The following PTPN4 variants were observed in gnomAD, a reference collection of about 807,000 sequenced individuals.
PTPN4 encodes tyrosine-protein phosphatase non-receptor type 4.
PTPN4 carries 49 observed loss-of-function variants against 135.5 expected under a neutral mutation model. The ratio of observed to expected loss-of-function variants is 0.36; its 90% CI spans 0.29 to 0.46. The LOEUF (loss-of-function observed/expected upper bound fraction) is 0.46. PTPN4 is among the 20% of genes least tolerant of loss of function. PTPN4 has a pLI of 1.00. For missense variants in PTPN4, 860 were observed against 1,101.0 expected (o/e 0.78, Z 3.10); for synonymous variants, 333 against 369.9 (o/e 0.90, Z 1.14).
chr2:119,956,820 T>C (rs1679294451), intron 20 of PTPN4, 24 bp from the exon 21 acceptor site: 1 of 1,580,892 alleles, frequency 6.3e-7, no homozygotes, highest in Non-Finnish European at 8.5e-7. Context: ...TTGTTGGAAT[T>C]GTACCTTTTT....
Position 119,775,688 on chromosome 2 carries a change from G to A in PTPN4, c.-18+15304G>A, listed in dbSNP as rs115036957. 3.2e-3 allele frequency among the ~76,000 whole-genome samples: 493 copies of A among 152,288 alleles called. 2 individuals carry two copies. Among genetic ancestry groups the A allele is most frequent in the African/African-American group, 0.011 (466 of 41,552 alleles). On this transcript the variant is annotated intron_variant, in intron 1 of 26. Transcript: ENST00000263708. ...TGTTGTTATAGAAAAAGCTGTGAAA[G>A]CCATCAGGCCTGAAACTGTAAATAC...
intron 10 of PTPN4, among the ~76,000 whole-genome samples, chr2:119,902,257 A>G (rs1678416520): frequency 6.6e-6 from 1 of 152,258 alleles, no homozygotes; most frequent in Non-Finnish European, 1.5e-5. Context: ...AAGCAAGAAG[A>G]AACTGGAGTG....
chr2:119,888,572 T>C (rs1307388256), intron 9 of PTPN4, among the ~76,000 whole-genome samples: 2 of 152,202 alleles, frequency 1.3e-5, no homozygotes, highest in Non-Finnish European at 2.9e-5. Context: ...TACAATGTCT[T>C]TTGAGATGGT....
chr2:119,966,759 C>T (rs911443106), intron 25 of PTPN4, among the ~76,000 whole-genome samples: 2 of 152,180 alleles, frequency 1.3e-5, no homozygotes, highest in Non-Finnish European at 2.9e-5. Context: ...GGCTTTGCTA[C>T]TTCTAAAAGC....
intron 2 of PTPN4, among the ~76,000 whole-genome samples, chr2:119,816,431 G>A (rs368157297): frequency 6.6e-6 from 1 of 152,076 alleles, no homozygotes; most frequent in Non-Finnish European, 1.5e-5. Context: ...ATAATCTATG[G>A]CAGTGGTCCC....
intron 18 of PTPN4, among the ~76,000 whole-genome samples, chr2:119,949,487 T>C (rs1410279734): frequency 6.6e-6 from 1 of 152,166 alleles, no homozygotes; most frequent in Non-Finnish European, 1.5e-5. Context: ...ATTAAAGTTA[T>C]GATTCTCTTT....
At position 119,957,092 on chromosome 2, in the gene PTPN4, A is replaced by G. The variant is rs747601169; in HGVS notation, c.2133+15A>G. ...ACTATATAAATGTAAGTTTATTCTT[A>G]TTATGCCTTTGCCATTTGGAAAAAT... On this transcript the variant is annotated intron_variant, in intron 22 of 26. Coordinates refer to ENST00000263708, the MANE Select transcript of PTPN4 (RefSeq NM_002830.4). 6 of 1,589,348 alleles carry G rather than the reference A, an allele frequency of 3.8e-6. No individual in the cohort carries two copies. Among genetic ancestry groups the G allele is most frequent in the South Asian group, 1.2e-5 (1 of 86,284 alleles).
At chr2:119,871,673 T>G (rs1445122366) in intron 3 of PTPN4, among the ~76,000 whole-genome samples, 1 of 152,132 alleles carries the variant, frequency 6.6e-6, no homozygotes, top group Non-Finnish European at 1.5e-5. Flanking sequence ...ATAAAGGACT[T>G]TTATGTTTTT....
intron 2 of PTPN4, among the ~76,000 whole-genome samples, chr2:119,839,220 T>C (rs1437274411): frequency 6.6e-6 from 1 of 152,206 alleles, no homozygotes; most frequent in Non-Finnish European, 1.5e-5. Flanking sequence ...ATGATACCCA[T>C]GGCAATACTA....
intron 2 of PTPN4, among the ~76,000 whole-genome samples, chr2:119,818,015 T>C (rs7578037): frequency 0.66 from 99,716 of 151,928 alleles, 33,263 homozygotes; most frequent in East Asian, 0.83. Flanking sequence ...TGATTTTGTT[T>C]CCTGAGACTT....
chr2:119,983,710 C>T lies in PTPN4; in HGVS notation c.*6640C>T, dbSNP rs943186125. ...GACCCAGGTTTAAATATAATGATCT[C>T]TTCACAGCTTATTTGATGTTTAAGA... is the stretch of plus-strand genomic sequence containing the variant. On this transcript the variant is annotated 3_prime_UTR_variant, in exon 27 of 27. Transcript: ENST00000263708. The T allele has an allele frequency of 6.6e-6, 1 of 152,144 alleles. No homozygotes were observed. Among genetic ancestry groups the T allele is most frequent in the Non-Finnish European group, 1.5e-5 (1 of 68,030 alleles). 9.4% of individuals were successfully genotyped at this position (152,144 alleles called of 1,614,324 possible).
intron 2 of PTPN4, among the ~76,000 whole-genome samples, chr2:119,842,885 G>GATGTGTTACTTTTTACATGT (rs1677402595): frequency 6.6e-6 from 1 of 151,932 alleles, no homozygotes; most frequent in Non-Finnish European, 1.5e-5. Context: ...TATTTGCATG[G>GATGTGTTACTTTTTACATGT]ATGTGTTACT....
intron 11 of PTPN4, among the ~76,000 whole-genome samples, chr2:119,918,468 G>A (rs1166342084): frequency 6.6e-6 from 1 of 152,204 alleles, no homozygotes; most frequent in Non-Finnish European, 1.5e-5. Flanking sequence ...ATATATGCCA[G>A]TGAATTGAAC....
chr2:119,906,771 A>C (rs1477130799), intron 10 of PTPN4, among the ~76,000 whole-genome samples: 1 of 152,204 alleles, frequency 6.6e-6, no homozygotes, highest in Non-Finnish European at 1.5e-5. Flanking sequence ...AAGGATGCCC[A>C]CGCTGACCAC....
intron 9 of PTPN4, among the ~76,000 whole-genome samples, chr2:119,892,648 G>A (rs1371285578): frequency 1.3e-5 from 2 of 151,710 alleles, no homozygotes; most frequent in Admixed American, 6.6e-5. Flanking sequence ...TGTGTAGTGC[G>A]AACAAGGAGA....
At chr2:119,907,489 A>G (rs1486157528) in intron 10 of PTPN4, among the ~76,000 whole-genome samples, 1 of 152,120 alleles carries the variant, frequency 6.6e-6, no homozygotes, top group Non-Finnish European at 1.5e-5. Context: ...TTGTAGTCCT[A>G]GCTACTCCGG....
intron 3 of PTPN4, among the ~76,000 whole-genome samples, chr2:119,871,369 G>A (rs879633958): frequency 1.3e-5 from 2 of 151,950 alleles, no homozygotes; most frequent in Non-Finnish European, 2.9e-5. Flanking sequence ...AATAGTAATG[G>A]AAAAACCTGA....
intron 9 of PTPN4, among the ~76,000 whole-genome samples, chr2:119,898,668 A>G (rs1366859961): frequency 6.6e-6 from 1 of 152,174 alleles, no homozygotes; most frequent in African/African-American, 2.4e-5. Flanking sequence ...AAGAAAAGCA[A>G]AATAAGGTAT....
chr2:119,850,727 A>G (rs1677579093), intron 2 of PTPN4, among the ~76,000 whole-genome samples: 2 of 152,158 alleles, frequency 1.3e-5, no homozygotes, highest in African/African-American at 4.8e-5. Context: ...TTTTAGGTGA[A>G]TTCTCCAAGA....
Sources: gnomAD v4.1 joint callset for allele counts (sites outside exome capture counted in the v4.1 genomes callset) on GRCh38, gnomAD v4.1.1 for gene constraint, MANE v1.5 for transcripts, NCBI Gene and HGNC (gene_info 2026-07-23, HGNC 2026-07-21) for gene names.